NMNAT2: variants seen among roughly 807,000 people sequenced by gnomAD.
NMNAT2 encodes the protein nicotinamide/nicotinic acid mononucleotide adenylyltransferase 2.
A neutral mutation model predicts 41.6 loss-of-function variants in NMNAT2; 11 were observed. The observed-to-expected ratio is 0.26, with a 90% confidence interval of 0.17 to 0.44. The LOEUF (loss-of-function observed/expected upper bound fraction) is 0.44. NMNAT2 is among the 20% of genes least tolerant of loss of function. NMNAT2 has a pLI of 1.00. For synonymous variants in NMNAT2, 148 were observed against 151.2 expected (o/e 0.98, Z 0.16); for missense variants, 288 against 407.7 (o/e 0.71, Z 2.53).
chr1:183,280,051 C>A (rs1661218492), intron 7 of NMNAT2, among the ~76,000 whole-genome samples: 1 of 152,202 alleles, frequency 6.6e-6, no homozygotes, highest in African/African-American at 2.4e-5. Context: ...TCTGCTCTTG[C>A]AGCATGGGGT....
At chr1:183,285,837 C>G (rs500530) in intron 5 of NMNAT2, among the ~76,000 whole-genome samples, 1 of 151,860 alleles carries the variant, frequency 6.6e-6, no homozygotes, top group African/African-American at 2.4e-5. Flanking sequence ...AGGTAAAGCA[C>G]GAGCATCATT....
At chr1:183,333,906 T>C (rs1328320746) in intron 1 of NMNAT2, among the ~76,000 whole-genome samples, 1 of 152,148 alleles carries the variant, frequency 6.6e-6, no homozygotes, top group Non-Finnish European at 1.5e-5. Context: ...TCTTCAACTA[T>C]CTCCGGGATC....
intron 1 of NMNAT2, among the ~76,000 whole-genome samples, chr1:183,344,869 G>T (rs943880107): frequency 1.2e-4 from 18 of 152,188 alleles, no homozygotes; most frequent in Non-Finnish European, 1.2e-4. Context: ...TGATGATGTA[G>T]CTTAGATTGA....
chr1:183,259,931 G>A (rs986502856), intron 10 of NMNAT2, among the ~76,000 whole-genome samples: 2 of 152,170 alleles, frequency 1.3e-5, no homozygotes, highest in Non-Finnish European at 2.9e-5. Context: ...TGACACTTAC[G>A]TGTTCGTGGC....
intron 1 of NMNAT2, among the ~76,000 whole-genome samples, chr1:183,391,831 C>A (rs138119552): frequency 1.7e-3 from 265 of 152,294 alleles, no homozygotes; most frequent in Middle Eastern, 6.8e-3. Context: ...GATCGTGCCC[C>A]CTAAACACTG....
intron 1 of NMNAT2, among the ~76,000 whole-genome samples, chr1:183,356,277 A>ACCTCGTTCATAACC (rs2102355723): frequency 6.6e-6 from 1 of 152,268 alleles, no homozygotes; most frequent in Non-Finnish European, 1.5e-5. Context: ...GTAAACAGAC[A>ACCTCGTTCATAACC]CCTCGTTCAT....
intron 1 of NMNAT2, among the ~76,000 whole-genome samples, chr1:183,309,802 G>A (rs1662068186): frequency 6.6e-6 from 1 of 152,184 alleles, no homozygotes; most frequent in African/African-American, 2.4e-5. Context: ...GCAAGGATAA[G>A]GTCCCACAGC....
At chr1:183,372,331 A>G (rs760651789) in intron 1 of NMNAT2, among the ~76,000 whole-genome samples, 7 of 152,244 alleles carry the variant, frequency 4.6e-5, no homozygotes, top group Admixed American at 6.5e-5. Flanking sequence ...AAACAGAAGC[A>G]ATGACTACAG....
At chr1:183,314,982 TG>T (rs1201711972) in intron 1 of NMNAT2, among the ~76,000 whole-genome samples, 3 of 152,326 alleles carry the variant, frequency 2.0e-5, no homozygotes, top group Admixed American at 2.0e-4. Context: ...TAGTAACTTA[TG>T]GGGGAAAAAG....
chr1:183,304,379 A>G (rs1340455591), intron 1 of NMNAT2, among the ~76,000 whole-genome samples: 1 of 151,878 alleles, frequency 6.6e-6, no homozygotes, highest in Non-Finnish European at 1.5e-5. Context: ...GAAACAATCG[A>G]TTGCAGAAGG....
At chr1:183,310,102 TTTAG>T (rs1324859970) in intron 1 of NMNAT2, among the ~76,000 whole-genome samples, 4 of 152,280 alleles carry the variant, frequency 2.6e-5, no homozygotes, top group Non-Finnish European at 2.9e-5. Flanking sequence ...AGAGAGCAGT[TTTAG>T]TTAAAGAAGA....
At chr1:183,284,683 T>C (rs1661354998) in intron 6 of NMNAT2, 27 bp downstream of exon 6, 1 of 1,576,424 alleles carries the variant, frequency 6.3e-7, no homozygotes, top group African/African-American at 1.3e-5. Flanking sequence ...GAGACAGGAC[T>C]GGGAATCAAG....
chr1:183,388,984 A>G (rs1557897277), intron 1 of NMNAT2, among the ~76,000 whole-genome samples: 1 of 152,236 alleles, frequency 6.6e-6, no homozygotes, highest in Non-Finnish European at 1.5e-5. Context: ...AACACACGTC[A>G]TGGAGCACAA....
intron 1 of NMNAT2, among the ~76,000 whole-genome samples, chr1:183,337,446 T>C (rs1662700218): frequency 6.6e-6 from 1 of 151,734 alleles, no homozygotes; most frequent in Non-Finnish European, 1.5e-5. Flanking sequence ...GTGTTATCAT[T>C]ATCACACAGG....
At chr1:183,379,545 C>T (rs1409766510) in intron 1 of NMNAT2, among the ~76,000 whole-genome samples, 3 of 152,104 alleles carry the variant, frequency 2.0e-5, no homozygotes, top group Admixed American at 2.0e-4. Context: ...GAAAGATATA[C>T]ATGCAAATTC....
At chr1:183,409,546 G>A (rs1291920114) in intron 1 of NMNAT2, among the ~76,000 whole-genome samples, 1 of 152,046 alleles carries the variant, frequency 6.6e-6, no homozygotes, top group Admixed American at 6.5e-5. Context: ...CGAACCCTTG[G>A]CCTCAAGTGA....
chr1:183,341,403 C>A (rs1662797868), intron 1 of NMNAT2, among the ~76,000 whole-genome samples: 1 of 151,098 alleles, frequency 6.6e-6, no homozygotes, highest in South Asian at 2.1e-4. Context: ...AAAGGCCAAG[C>A]ATGGTGACTC....
At chr1:183,374,133 C>T (rs1382149865) in intron 1 of NMNAT2, among the ~76,000 whole-genome samples, 4 of 152,178 alleles carry the variant, frequency 2.6e-5, no homozygotes, top group Non-Finnish European at 5.9e-5. Flanking sequence ...CAAGGTCATC[C>T]ATGTAGGGTT....
At chr1:183,346,774 G>A (rs571785509) in intron 1 of NMNAT2, among the ~76,000 whole-genome samples, 44 of 152,244 alleles carry the variant, frequency 2.9e-4, no homozygotes, top group Admixed American at 6.5e-4. Context: ...ACAGAACGAG[G>A]TGTTGCCTGA....
Sources: allele counts gnomAD v4.1 joint callset (sites outside exome capture counted in the v4.1 genomes callset), GRCh38; gene constraint gnomAD v4.1.1; transcripts MANE v1.5; gene names NCBI Gene and HGNC (gene_info 2026-07-23, HGNC 2026-07-21).